MAST4: variants seen among roughly 807,000 people sequenced by gnomAD.
MAST4 encodes microtubule-associated serine/threonine-protein kinase 4.
In MAST4, 89 loss-of-function variants were observed where a neutral mutation model predicts 162.7. The observed-to-expected ratio is 0.55, with a 90% CI of 0.46 to 0.65. The LOEUF (loss-of-function observed/expected upper bound fraction) is 0.65, where lower values mean the gene tolerates loss of function less well. Among genes scored for constraint, MAST4 ranks in the 30% least tolerant of loss-of-function variants. The probability of loss-of-function intolerance (pLI) is 0.00; values close to 1 mark genes in which losing one functional copy is unlikely to be tolerated. For missense variants in MAST4, 3,153 were observed against 3,374.0 expected (o/e 0.93, Z 1.62); for synonymous variants, 1,479 against 1,361.1 (o/e 1.09, Z -1.91).
intron 1 of MAST4, among the ~76,000 whole-genome samples, chr5:66,692,734 C>T (rs747531355): frequency 1.3e-5 from 2 of 152,006 alleles, no homozygotes; most frequent in South Asian, 2.1e-4. Flanking sequence ...GGGCTCTGGT[C>T]GGGGCCTGCT....
rs561380521 is a variant in MAST4, at chr5:67,086,049, A to T, written c.764-4113A>T. 1.5e-3 allele frequency among the ~76,000 whole-genome samples: 231 copies of T among 152,340 alleles called. 2 individuals are homozygous for T. Among genetic ancestry groups the T allele is most frequent in the African/African-American group, 4.4e-3 (183 of 41,578 alleles). The stretch of plus-strand genomic sequence containing the variant: ...TCCATTTGCCAGGAATCTCCAACAA[A>T]GCAGTAAGAAACACAGCACTGATTG... On this transcript the variant is annotated intron_variant, in intron 5 of 28. Transcript: ENST00000403625.
intron 4 of MAST4, among the ~76,000 whole-genome samples, chr5:67,005,930 TTGCAG>T (rs1191667851): frequency 6.6e-6 from 1 of 152,248 alleles, no homozygotes; most frequent in East Asian, 1.9e-4. Context: ...GAGAGCAACT[TTGCAG>T]TCAGATAAAC....
intron 7 of MAST4, among the ~76,000 whole-genome samples, chr5:67,096,674 A>G (rs1764497837): frequency 6.6e-6 from 1 of 152,216 alleles, no homozygotes; most frequent in East Asian, 1.9e-4. Context: ...AATTCCAAGT[A>G]TAATAATATA....
At chr5:66,825,417 C>T (rs1478678179) in intron 3 of MAST4, among the ~76,000 whole-genome samples, 1 of 151,976 alleles carries the variant, frequency 6.6e-6, no homozygotes, top group Non-Finnish European at 1.5e-5. Flanking sequence ...ATATGTGTCC[C>T]ATCATTGGCT....
At chr5:67,085,709 T>C (rs981817998) in intron 5 of MAST4, among the ~76,000 whole-genome samples, 1 of 152,188 alleles carries the variant, frequency 6.6e-6, no homozygotes, top group African/African-American at 2.4e-5. Flanking sequence ...AATCAAGGTT[T>C]TTTTCTTGGC....
chr5:66,707,255 C>T (rs528344633), intron 1 of MAST4, among the ~76,000 whole-genome samples: 8 of 152,210 alleles, frequency 5.3e-5, no homozygotes, highest in South Asian at 2.1e-4. Flanking sequence ...AACGGGCTTC[C>T]GGCTCACCAC....
chr5:66,880,461 A>C (rs1299789765), intron 3 of MAST4, among the ~76,000 whole-genome samples: 1 of 151,698 alleles, frequency 6.6e-6, no homozygotes, highest in Non-Finnish European at 1.5e-5. Flanking sequence ...TTTTTTAAAC[A>C]TAAAGAAATC....
intron 4 of MAST4, among the ~76,000 whole-genome samples, chr5:67,009,458 C>T (rs1752416838): frequency 6.6e-6 from 1 of 152,090 alleles, no homozygotes; most frequent in Non-Finnish European, 1.5e-5. Flanking sequence ...CGTTCTGAAG[C>T]CCATTTACCT....
At chr5:66,934,857 G>A (rs5005125) in intron 4 of MAST4, among the ~76,000 whole-genome samples, 10,253 of 152,172 alleles carry the variant, frequency 0.067, 395 homozygotes, top group African/African-American at 0.098. Context: ...GGTCTCTGCC[G>A]TCAGTGGTAA....
intron 4 of MAST4, among the ~76,000 whole-genome samples, chr5:66,905,893 G>A (rs1763324868): frequency 6.6e-6 from 1 of 152,150 alleles, no homozygotes; most frequent in South Asian, 2.1e-4. Flanking sequence ...TTCTTATTAT[G>A]TAGAATAGAT....
At chr5:66,692,700 C>T (rs900102565) in intron 1 of MAST4, among the ~76,000 whole-genome samples, 7 of 152,136 alleles carry the variant, frequency 4.6e-5, no homozygotes, top group African/African-American at 1.2e-4. Context: ...ATTCCCTTAC[C>T]GTTCTGCAAT....
intron 24 of MAST4, among the ~76,000 whole-genome samples, chr5:67,150,120 T>C (rs1218729067): frequency 6.6e-6 from 1 of 152,258 alleles, no homozygotes; most frequent in African/African-American, 2.4e-5. Flanking sequence ...CTATGCTTCC[T>C]CCTACTGGTA....
chr5:66,681,422 C>G (rs1455537244), intron 1 of MAST4, among the ~76,000 whole-genome samples: 1 of 152,188 alleles, frequency 6.6e-6, no homozygotes, highest in Admixed American at 6.5e-5. Context: ...TGCATCAGAT[C>G]ACCTGGGGTC....
intron 1 of MAST4, among the ~76,000 whole-genome samples, chr5:66,597,824 C>T (rs1358249440): frequency 6.6e-6 from 1 of 152,064 alleles, no homozygotes; most frequent in Non-Finnish European, 1.5e-5. Flanking sequence ...GCTGCTCTGT[C>T]CGGCTTATTT....
At chr5:66,894,304 C>T (rs1762544886) in intron 3 of MAST4, among the ~76,000 whole-genome samples, 1 of 152,136 alleles carries the variant, frequency 6.6e-6, no homozygotes, top group Non-Finnish European at 1.5e-5. Context: ...TTAAAAACTC[C>T]CTGGGTGACA....
intron 1 of MAST4, among the ~76,000 whole-genome samples, chr5:66,705,689 T>C (rs1750084635): frequency 1.3e-5 from 2 of 152,230 alleles, no homozygotes; most frequent in Admixed American, 1.3e-4. Flanking sequence ...CTTCATGATT[T>C]TTTAATCAGA....
intron 5 of MAST4, among the ~76,000 whole-genome samples, chr5:67,058,468 A>G (rs1472158497): frequency 6.6e-6 from 1 of 152,220 alleles, no homozygotes; most frequent in Non-Finnish European, 1.5e-5. Flanking sequence ...AATTATAAGT[A>G]TAGCATGGCT....
intron 1 of MAST4, among the ~76,000 whole-genome samples, chr5:66,665,664 C>T (rs1580142499): frequency 6.6e-6 from 1 of 152,118 alleles, no homozygotes; most frequent in Admixed American, 6.6e-5. Flanking sequence ...ACTACAGAGT[C>T]GTTAAGACGG....
In MAST4 at chr5:67,024,414, A is replaced by C. The variant is rs181484941; in HGVS notation, c.675-29990A>C. On this transcript the variant is annotated intron_variant, in intron 4 of 28. Coordinates refer to ENST00000403625, the MANE Select transcript of MAST4 (RefSeq NM_001164664.2). ...TATATCTATATGTATACACATACATAATCGTGCAAGCATATATATGGAAGG... is the reference window on the plus strand; with the variant it reads ...TATATCTATATGTATACACATACATCATCGTGCAAGCATATATATGGAAGG... Among the ~76,000 whole-genome samples, 272 of 151,488 alleles carry C rather than the reference A, an allele frequency of 1.8e-3. 3 individuals carry two copies. Among genetic ancestry groups the C allele is most frequent in the African/African-American group, 6.2e-3 (256 of 41,292 alleles).
Sources: allele counts gnomAD v4.1 joint callset (sites outside exome capture counted in the v4.1 genomes callset), GRCh38; gene constraint gnomAD v4.1.1; transcripts MANE v1.5; gene names NCBI Gene and HGNC (gene_info 2026-07-23, HGNC 2026-07-21).